USP53: variants seen among roughly 807,000 people sequenced by gnomAD.
USP53 encodes the protein ubiquitin specific peptidase 53.
A neutral mutation model predicts 94.9 loss-of-function variants in USP53; 71 were observed. The observed-to-expected ratio is 0.75, with a 90% CI of 0.62 to 0.91. USP53 has a LOEUF of 0.91. USP53 is among the 40% of genes least tolerant of loss of function. USP53 has a pLI of 0.00. For missense variants in USP53, 1,173 were observed against 1,281.0 expected (o/e 0.92, Z 1.29); for synonymous variants, 375 against 422.7 (o/e 0.89, Z 1.39).
At chr4:119,224,277 C>T (rs368757674) in intron 3 of USP53, among the ~76,000 whole-genome samples, 30 of 152,284 alleles carry the variant, frequency 2.0e-4, no homozygotes, top group Admixed American at 4.6e-4. Flanking sequence ...GGATTACAGG[C>T]GTGAGCCACC....
In USP53 at chr4:119,290,333, A is replaced by T. The variant is rs143983863; in HGVS notation, c.2252-832A>T. ...CATAAGACTTCATTAAAATTAAATT[A>T]AAAAACTATTTGGTGCCTATTAAAT... On this transcript the variant is annotated intron_variant, in intron 17 of 18. Transcript: ENST00000692078. Among the ~76,000 whole-genome samples, 468 of 152,324 alleles carry T rather than the reference A, an allele frequency of 3.1e-3. 3 individuals carry two copies. Among genetic ancestry groups the T allele is most frequent in the African/African-American group, 0.01 (429 of 41,578 alleles).
Position 119,273,622 on chromosome 4 carries a change from T to C in USP53, c.2175-10T>C, listed in dbSNP as rs201354186. 2.1e-5 allele frequency: 34 copies of C among 1,611,008 alleles called. No individual in the cohort carries two copies. The African/African-American group carries it at 4.4e-4, about 21-fold the overall frequency. On this transcript the variant is annotated splice_polypyrimidine_tract_variant and intron_variant, in intron 16 of 18. Coordinates refer to ENST00000692078, the MANE Select transcript of USP53 (RefSeq NM_001371395.1). ...TACCTGATGTGTTTAGTGTGTATTT[T>C]ATTTTCTAGTGACCAGATTACGACA... is the stretch of plus-strand genomic sequence containing the variant.
intron 7 of USP53, among the ~76,000 whole-genome samples, chr4:119,250,348 G>A (rs140403598): frequency 1.1e-3 from 166 of 152,244 alleles, no homozygotes; most frequent in African/African-American, 3.9e-3. Flanking sequence ...AATTTACTCT[G>A]TAGAATTCAT....
rs28667833 is a variant in USP53 at position 119,227,940 on chromosome 4, A to G, written c.-664-7350A>G. Among the ~76,000 whole-genome samples the G allele has an allele frequency of 2.8e-3, 426 of 152,360 alleles. 2 individuals carry two copies. The highest frequency in any genetic ancestry group is 9.8e-3 in the African/African-American group (406 of 41,588). ...TGTGCAGCAATACAGATGAAACTCA[A>G]AAGTATGAGTCCATTTATGAGAAAT... is the stretch of plus-strand genomic sequence containing the variant. On this transcript the variant is annotated intron_variant, in intron 3 of 18. Coordinates refer to ENST00000692078, the MANE Select transcript of USP53 (RefSeq NM_001371395.1).
At chr4:119,276,472 T>C (rs2149439547) in intron 17 of USP53, among the ~76,000 whole-genome samples, 1 of 151,906 alleles carries the variant, frequency 6.6e-6, no homozygotes, top group South Asian at 2.1e-4. Flanking sequence ...GTGGATAAGC[T>C]TTTTGATGTG....
chr4:119,291,586 T>C (rs1045863844), intron 18 of USP53, among the ~76,000 whole-genome samples: 2 of 152,230 alleles, frequency 1.3e-5, no homozygotes, highest in Non-Finnish European at 2.9e-5. Flanking sequence ...TAGCAAATCC[T>C]CAACTCTCTT....
At chr4:119,258,609 C>G (rs566302077) in intron 9 of USP53, among the ~76,000 whole-genome samples, 19 of 152,234 alleles carry the variant, frequency 1.2e-4, no homozygotes, top group Admixed American at 7.2e-4. Flanking sequence ...GCTAAGTAGG[C>G]CTCACAGTCA....
intron 3 of USP53, among the ~76,000 whole-genome samples, chr4:119,230,915 G>C (rs1177991141): frequency 1.3e-5 from 2 of 152,196 alleles, no homozygotes; most frequent in East Asian, 1.9e-4. Flanking sequence ...TGGGTTTAGA[G>C]TAAGTGGGTA....
intron 16 of USP53, chr4:119,273,389 A>G (rs1752121170): frequency 3.0e-6 from 1 of 336,836 alleles, no homozygotes; most frequent in African/African-American, 2.1e-5. Flanking sequence ...GGTAGTAGAA[A>G]GATCAGGACT....
At chr4:119,261,573 C>T in intron 11 of USP53, 142 bp from the exon 12 acceptor site, 1 of 564,274 alleles carries the variant, frequency 1.8e-6, no homozygotes, top group Non-Finnish European at 2.8e-6. Context: ...TCAGTGGTGC[C>T]TTCAAGTAAT....
intron 17 of USP53, among the ~76,000 whole-genome samples, chr4:119,279,875 C>T (rs1009400498): frequency 2.6e-5 from 4 of 152,162 alleles, no homozygotes; most frequent in African/African-American, 4.8e-5. Context: ...CAGGTGCGTC[C>T]GTCACCCCTT....
In USP53 at chr4:119,293,222, G is replaced by T; in HGVS notation, c.*11G>T. 6.4e-7 allele frequency: 1 copy of T among 1,567,780 alleles called. No homozygotes were observed. Among genetic ancestry groups the T allele is most frequent in the South Asian group, 1.2e-5 (1 of 83,610 alleles). The stretch of plus-strand genomic sequence containing the variant: ...AATTCACTATCTTAGAGTGAAAAAG[G>T]ACTAGACCTGTGTTACATAATAATC... On this transcript the variant is annotated 3_prime_UTR_variant, in exon 19 of 19. Transcript: ENST00000692078.
chr4:119,248,932 C>A (rs1424661731), intron 7 of USP53, 50 bp downstream of exon 7: 2 of 1,604,056 alleles, frequency 1.2e-6, no homozygotes, highest in Non-Finnish European at 1.7e-6. Context: ...GTTTTCATTC[C>A]TTAGATGGTA....
intron 14 of USP53, 118 bp from the exon 15 acceptor site, chr4:119,269,573 T>A (rs1751591061): frequency 4.8e-6 from 3 of 629,654 alleles, no homozygotes; most frequent in African/African-American, 1.9e-5. Flanking sequence ...ATACTATATA[T>A]CTACATATCT....
At chr4:119,251,588 A>G (rs569376270) in intron 7 of USP53, among the ~76,000 whole-genome samples, 21 of 151,758 alleles carry the variant, frequency 1.4e-4, no homozygotes, top group African/African-American at 5.1e-4. Context: ...CTTTTTAATG[A>G]TAGAGTTTTC....
At chr4:119,281,204 T>C (rs1753478381) in intron 17 of USP53, among the ~76,000 whole-genome samples, 1 of 152,180 alleles carries the variant, frequency 6.6e-6, no homozygotes, top group Admixed American at 6.5e-5. Flanking sequence ...GGGTTCCTAT[T>C]GGGAGTACAT....
chr4:119,266,032 C>A (rs1348439227), intron 12 of USP53, among the ~76,000 whole-genome samples: 1 of 152,176 alleles, frequency 6.6e-6, no homozygotes, highest in East Asian at 1.9e-4. Flanking sequence ...TGTTGTCATA[C>A]TCCCCACACC....
chr4:119,256,369 C>T lies in USP53; in HGVS notation c.486+10C>T, dbSNP rs551352202. On this transcript the variant is annotated intron_variant, in intron 8 of 18. Transcript: ENST00000692078. ...GACTCTGTATGAACAGGTGAGATGG[C>T]TTGATTATTATTTAGATATTGTAGT... 2 of 1,613,026 alleles carry T rather than the reference C, an allele frequency of 1.2e-6. No homozygotes were observed. The highest frequency in any genetic ancestry group is 4.5e-5 in the East Asian group (2 of 44,832).
At chr4:119,217,460 G>A (rs918169114) in intron 2 of USP53, 90 bp from the exon 3 acceptor site, 1 of 152,032 alleles carries the variant, frequency 6.6e-6, no homozygotes, top group African/African-American at 2.4e-5. Flanking sequence ...TTTTCCAAAG[G>A]GTTTGTTGTT....
Sources: gnomAD v4.1 joint callset for allele counts (sites outside exome capture counted in the v4.1 genomes callset) on GRCh38, gnomAD v4.1.1 for gene constraint, MANE v1.5 for transcripts, NCBI Gene and HGNC (gene_info 2026-07-23, HGNC 2026-07-21) for gene names.